COL5A2: variants seen among roughly 807,000 people sequenced by gnomAD.
COL5A2 encodes collagen type V alpha 2 chain.
Under a neutral mutation model 208.2 loss-of-function variants are expected in COL5A2, and 23 were observed. That is an observed-to-expected ratio of 0.11 (90% CI 0.08 to 0.16). COL5A2 has a LOEUF of 0.16. Ranked by LOEUF, COL5A2 falls within the 10% of genes least tolerant of loss-of-function variation. The pLI is 1.00. For synonymous variants in COL5A2, 625 were observed against 628.5 expected (o/e 0.99, Z 0.08); for missense variants, 1,590 against 1,956.4 (o/e 0.81, Z 3.53).
At chr2:189,434,577 T>C in the COL5A2 span, among the ~76,000 whole-genome samples, 820 of 152,232 alleles carry the variant, frequency 5.4e-3, 30 homozygotes, top group East Asian at 0.084. Context: ...CCATTCACAA[T>C]TGCTTCAAAG....
the COL5A2 span, among the ~76,000 whole-genome samples, chr2:189,392,315 C>T: frequency 1.3e-5 from 2 of 152,120 alleles, no homozygotes; most frequent in African/African-American, 4.8e-5. Flanking sequence ...CTACAACACT[C>T]AGGAACTACT....
intron 1 of COL5A2, among the ~76,000 whole-genome samples, chr2:189,129,714 C>T (rs1299991370): frequency 6.6e-6 from 1 of 151,954 alleles, no homozygotes; most frequent in East Asian, 1.9e-4. Context: ...AAACTTCATC[C>T]ATGTTAAGAT....
intron 1 of COL5A2, among the ~76,000 whole-genome samples, chr2:189,192,047 CA>C (rs1433205525): frequency 1.3e-5 from 2 of 152,156 alleles, no homozygotes; most frequent in African/African-American, 4.8e-5. Flanking sequence ...ATAACAACCT[CA>C]ACCTATCTTC....
the COL5A2 span, among the ~76,000 whole-genome samples, chr2:189,259,809 A>G: frequency 1.3e-5 from 2 of 152,194 alleles, no homozygotes; most frequent in Non-Finnish European, 2.9e-5. Context: ...AAGTGAAGAT[A>G]CTAGGGTCCC....
the COL5A2 span, among the ~76,000 whole-genome samples, chr2:189,282,500 G>T: frequency 6.6e-6 from 1 of 152,162 alleles, no homozygotes; most frequent in Non-Finnish European, 1.5e-5. Context: ...CTCTGATGCA[G>T]TCACTTGCTC....
the COL5A2 span, among the ~76,000 whole-genome samples, chr2:189,401,897 T>G: frequency 6.6e-6 from 1 of 152,168 alleles, no homozygotes; most frequent in African/African-American, 2.4e-5. Flanking sequence ...ATGACCTTTG[T>G]CCACTTTTTA....
the COL5A2 span, among the ~76,000 whole-genome samples, chr2:189,366,516 C>T: frequency 1.3e-5 from 2 of 152,186 alleles, no homozygotes; most frequent in Admixed American, 6.5e-5. Context: ...GTCAATAGTG[C>T]CAAGGTGGAG....
the COL5A2 span, among the ~76,000 whole-genome samples, chr2:189,259,011 C>T: frequency 2.0e-5 from 3 of 152,198 alleles, no homozygotes; most frequent in South Asian, 2.1e-4. Flanking sequence ...CTGATATTCT[C>T]GTCTATATTC....
chr2:189,071,948 C>T (rs1328580491), intron 18 of COL5A2, 92 bp downstream of exon 18: 30 of 867,766 alleles, frequency 3.5e-5, no homozygotes, highest in Non-Finnish European at 5.0e-5. Flanking sequence ...AAGTAACTTT[C>T]ACACTTTTCA....
In COL5A2 at chr2:189,065,037, AC is replaced by A; in HGVS notation, c.1583del (p.Gly528ValfsTer21). The A allele has an allele frequency of 6.2e-7, 1 of 1,613,856 alleles. No homozygotes were observed. The highest frequency in any genetic ancestry group is 8.5e-7 in the Non-Finnish European group (1 of 1,179,930). ...CAGGTAAACCATCAGAGCCTGGAAA[AC>A]CACGATTGCCAGGAGCACCCTACAA... ...VGERGAPGNR[G>X]FPGSDGLPGP... is the part of the protein sequence containing the mutation. On this transcript the variant is annotated frameshift_variant, in exon 24 of 54. Coordinates refer to ENST00000374866, the MANE Select transcript of COL5A2 (RefSeq NM_000393.5). LOFTEE classifies it high-confidence loss of function.
chr2:189,235,356 T>G, the COL5A2 span, among the ~76,000 whole-genome samples: 1 of 151,964 alleles, frequency 6.6e-6, no homozygotes, highest in East Asian at 1.9e-4. Context: ...GTCTTCATTA[T>G]TTTTTCATGT....
At chr2:189,245,817 AC>A in the COL5A2 span, among the ~76,000 whole-genome samples, 2 of 152,186 alleles carry the variant, frequency 1.3e-5, no homozygotes, top group Non-Finnish European at 2.9e-5. Context: ...AAGATTGTTC[AC>A]CATTTGGTAG....
chr2:189,415,175 G>A, the COL5A2 span, among the ~76,000 whole-genome samples: 3 of 151,936 alleles, frequency 2.0e-5, no homozygotes, highest in Admixed American at 1.3e-4. Flanking sequence ...TTGCAGTTAT[G>A]GTAAGTTAGC....
At chr2:189,095,939 G>C (rs966403382) in intron 6 of COL5A2, 1 of 151,154 alleles carries the variant, frequency 6.6e-6, no homozygotes, top group African/African-American at 2.4e-5. Flanking sequence ...TAATAATCTG[G>C]ACACACCCCA....
intron 1 of COL5A2, among the ~76,000 whole-genome samples, chr2:189,159,909 AAAAT>A (rs1688325436): frequency 1.3e-5 from 2 of 151,906 alleles, no homozygotes; most frequent in Admixed American, 6.5e-5. Flanking sequence ...AATTAAATTA[AAAAT>A]AAATAAATAA....
Position 189,045,748 on chromosome 2 carries a change from C to T in COL5A2, c.3309+52G>A. ...GTGTGTGCCTATATGCAGCTTATAA[C>T]ATAGCATATGGGTGTGCAAAACTGT... On this transcript the variant is annotated intron_variant, in intron 46 of 53. Coordinates refer to ENST00000374866, the MANE Select transcript of COL5A2 (RefSeq NM_000393.5). 5.1e-6 allele frequency: 7 copies of T among 1,381,718 alleles called. No individual in the cohort carries two copies. The South Asian group carries it at 8.1e-5, about 16-fold the overall frequency. 85.6% of individuals were successfully genotyped at this position (1,381,718 alleles called of 1,614,324 possible).
At chr2:189,165,763 T>C (rs1421899712) in intron 1 of COL5A2, among the ~76,000 whole-genome samples, 1 of 152,194 alleles carries the variant, frequency 6.6e-6, no homozygotes, top group African/African-American at 2.4e-5. Context: ...GGAAAAGAAG[T>C]GCTAACTGTA....
At chr2:189,273,981 G>A in the COL5A2 span, among the ~76,000 whole-genome samples, 8 of 151,056 alleles carry the variant, frequency 5.3e-5, no homozygotes, top group African/African-American at 1.2e-4. Flanking sequence ...TGAAAATCAC[G>A]GACAGCAATT....
At chr2:189,155,006 G>T (rs764298765) in intron 1 of COL5A2, among the ~76,000 whole-genome samples, 6 of 152,152 alleles carry the variant, frequency 3.9e-5, no homozygotes, top group Admixed American at 6.5e-5. Flanking sequence ...TAGAGAGAGG[G>T]TCTCACTCTA....
Sources: gnomAD v4.1 joint callset for allele counts (sites outside exome capture counted in the v4.1 genomes callset) on GRCh38, gnomAD v4.1.1 for gene constraint, MANE v1.5 for transcripts, NCBI Gene and HGNC (gene_info 2026-07-23, HGNC 2026-07-21) for gene names.